TNKS2: variants seen among roughly 807,000 people sequenced by gnomAD.
TNKS2 encodes the protein poly [ADP-ribose] polymerase tankyrase-2.
Under a neutral mutation model 137.6 loss-of-function variants are expected in TNKS2, and 72 were observed. That is an observed-to-expected ratio of 0.52 (90% CI 0.43 to 0.64). The LOEUF is 0.64. Among genes scored for constraint, TNKS2 ranks in the 30% least tolerant of loss-of-function variants. The pLI is 0.00. For missense variants in TNKS2, 1,049 were observed against 1,410.2 expected (o/e 0.74, Z 4.10); for synonymous variants, 516 against 512.1 (o/e 1.01, Z -0.10).
chr10:91,809,685 T>G (rs1844438547), intron 1 of TNKS2, among the ~76,000 whole-genome samples: 1 of 151,904 alleles, frequency 6.6e-6, no homozygotes, highest in African/African-American at 2.4e-5. Flanking sequence ...AAAAAAAATC[T>G]TAGCCCTTAT....
chr10:91,828,608 G>A (rs544018079), intron 9 of TNKS2, among the ~76,000 whole-genome samples: 6 of 151,824 alleles, frequency 4.0e-5, no homozygotes, highest in East Asian at 1.9e-4. Context: ...TTATCAGTTC[G>A]AGAATCCTCA....
At position 91,862,018 on chromosome 10, in the gene TNKS2, G is replaced by A. The variant is rs1341295077; in HGVS notation, c.3301G>A (p.Val1101Ile). 1.2e-6 allele frequency: 2 copies of A among 1,608,518 alleles called. No individual in the cohort carries two copies. The highest frequency in any genetic ancestry group is 1.7e-5 in the Admixed American group (1 of 59,216). ...TTATAGGCAGCTGCTCTTTTGCCGGGTAACCTTGGGAAAGTCTTTCCTGCA... is the reference window on the plus strand; with the variant it reads ...TTATAGGCAGCTGCTCTTTTGCCGGATAACCTTGGGAAAGTCTTTCCTGCA... Reference protein sequence around the residue: ...ICHRQLLFCRVTLGKSFLQFS... With the variant: ...ICHRQLLFCRITLGKSFLQFS... Residue 1101 changes from valine to isoleucine, a missense_variant, in exon 26 of 27, where the codon GTA becomes ATA. By Grantham distance (29) the Val-to-Ile change is conservative. Around this residue, in one of 6 missense-constraint regions of TNKS2, gnomAD observed 133 missense variants for 248.4 expected, o/e 0.54. Transcript: ENST00000371627.
Position 91,840,632 on chromosome 10 carries a change from A to G in TNKS2, c.1599A>G (p.Ala533=). ...GTCAGTCTACACCACTTCATTTTGC[A>G]GCTGGGTATAACAGAGTGTCCGTGG... ...EGRQSTPLHF[A]AGYNRVSVVE... is the part of the protein sequence containing the mutation. Residue 533 remains alanine (A), a synonymous_variant, in exon 14 of 27, where the codon GCA becomes GCG. Coordinates refer to ENST00000371627, the MANE Select transcript of TNKS2 (RefSeq NM_025235.4). 1.2e-6 allele frequency: 2 copies of G among 1,614,126 alleles called. No individual in the cohort carries two copies. The highest frequency in any genetic ancestry group is 2.2e-5 in the South Asian group (2 of 91,078).
Position 91,840,663 on chromosome 10 carries a change from T to A in TNKS2, c.1630T>A (p.Tyr544Asn). Residue 544 changes from tyrosine (Y) to asparagine (N), a missense_variant, in exon 14 of 27, where the codon TAT (tyrosine) becomes AAT (asparagine). Transcript: ENST00000371627. ...GTATAACAGAGTGTCCGTGGTGGAATATCTGCTACAGCATGGAGCTGATGT... is the reference window on the plus strand; with the variant it reads ...GTATAACAGAGTGTCCGTGGTGGAAAATCTGCTACAGCATGGAGCTGATGT... ...AGYNRVSVVE[Y>N]LLQHGADVHA... The A allele has an allele frequency of 1.2e-6, 2 of 1,614,166 alleles. No individual in the cohort carries two copies. The highest frequency in any genetic ancestry group is 1.7e-6 in the Non-Finnish European group (2 of 1,180,010).
intron 16 of TNKS2, among the ~76,000 whole-genome samples, chr10:91,842,600 C>G (rs770805747): frequency 2.6e-5 from 4 of 151,998 alleles, no homozygotes; most frequent in Non-Finnish European, 5.9e-5. Flanking sequence ...ATGGCAAAAC[C>G]ACACCTCTAT....
Position 91,798,445 on chromosome 10 carries a change from T to G in TNKS2, c.-246T>G, listed in dbSNP as rs544831080. 2 of 302,824 alleles carry G rather than the reference T, an allele frequency of 6.6e-6. No individual in the cohort carries two copies. Among genetic ancestry groups the G allele is most frequent in the Non-Finnish European group, 1.2e-5 (2 of 170,462 alleles). 18.8% of individuals were successfully genotyped at this position (302,824 alleles called of 1,614,324 possible). A position where few individuals can be genotyped will look rare whatever the true frequency, so the allele number is the denominator to read the frequency against. ...CTTGCCAGCTTCCGCCGCCGCGTCG[T>G]TTCAGGACCCGGACGGCGGATTCGC... On this transcript the variant is annotated 5_prime_UTR_variant, in exon 1 of 27. Transcript: ENST00000371627.
chr10:91,840,538 G>T, intron 13 of TNKS2, 23 bp from the exon 14 acceptor site: 1 of 1,565,814 alleles, frequency 6.4e-7, no homozygotes, highest in Non-Finnish European at 8.7e-7. Context: ...GTAGTATCAT[G>T]TATGTTGTGT....
intron 6 of TNKS2, among the ~76,000 whole-genome samples, chr10:91,821,795 T>C (rs1478459558): frequency 3.3e-5 from 5 of 152,184 alleles, no homozygotes; most frequent in Non-Finnish European, 2.9e-5. Context: ...GGGAACAGTA[T>C]GTGTAGAGGC....
In TNKS2 at chr10:91,855,127, G is replaced by C. The variant is rs1842665743; in HGVS notation, c.2913+1G>C. On this transcript the variant is annotated splice_donor_variant, in intron 22 of 26. Transcript: ENST00000371627. LOFTEE classifies it high-confidence loss of function. ...AGAGTTTCAGTCTGTGGAGGAAGAGGTATGTTCATATAACTTCAATAGTAG... is the reference window on the plus strand; with the variant it reads ...AGAGTTTCAGTCTGTGGAGGAAGAGCTATGTTCATATAACTTCAATAGTAG... 6.3e-7 allele frequency: 1 copy of C among 1,580,356 alleles called. No individual in the cohort carries two copies. Among genetic ancestry groups the C allele is most frequent in the Non-Finnish European group, 8.7e-7 (1 of 1,150,126 alleles).
intron 13 of TNKS2, among the ~76,000 whole-genome samples, chr10:91,839,207 T>A (rs1239533003): frequency 1.3e-5 from 2 of 152,124 alleles, no homozygotes; most frequent in Non-Finnish European, 2.9e-5. Context: ...CACTCTGATT[T>A]ATTATCTATG....
chr10:91,822,717 C>T (rs569463788), intron 7 of TNKS2, among the ~76,000 whole-genome samples: 23 of 151,854 alleles, frequency 1.5e-4, no homozygotes, highest in African/African-American at 5.6e-4. Context: ...AGACAGGCGC[C>T]ATCACGCCCA....
chr10:91,800,659 A>T (rs1844137252), intron 1 of TNKS2, among the ~76,000 whole-genome samples: 1 of 152,166 alleles, frequency 6.6e-6, no homozygotes, highest in African/African-American at 2.4e-5. Context: ...TATCAGGTAT[A>T]GGTTATCAGA....
chr10:91,865,226 G>A lies in TNKS2; in HGVS notation c.*2227G>A, dbSNP rs1370819229. 2.0e-5 allele frequency: 3 copies of A among 152,172 alleles called. No homozygotes were observed. Among genetic ancestry groups the A allele is most frequent in the African/African-American group, 4.8e-5 (2 of 41,268 alleles). The allele number at this position is 152,172 out of a possible 1,614,324, so 9.4% of individuals were successfully genotyped here. ...CCATCTTCAGTGTCTTACTTGTACTGTATCACATTCCATACCCTCATTTAA... is the reference window on the plus strand; with the variant it reads ...CCATCTTCAGTGTCTTACTTGTACTATATCACATTCCATACCCTCATTTAA... On this transcript the variant is annotated 3_prime_UTR_variant, in exon 27 of 27. Transcript: ENST00000371627.
intron 24 of TNKS2, among the ~76,000 whole-genome samples, chr10:91,859,013 A>C (rs1170449985): frequency 6.6e-6 from 1 of 152,168 alleles, no homozygotes; most frequent in African/African-American, 2.4e-5. Context: ...CATCTCAAAA[A>C]AATTTAAAAA....
intron 14 of TNKS2, 78 bp from the exon 15 acceptor site, chr10:91,841,205 T>C: frequency 2.4e-6 from 3 of 1,230,568 alleles, no homozygotes; most frequent in Middle Eastern, 2.4e-4. Flanking sequence ...TCAAGAATTA[T>C]CTTTCATCAG....
intron 1 of TNKS2, among the ~76,000 whole-genome samples, chr10:91,804,197 T>C (rs1349490815): frequency 1.3e-5 from 2 of 152,176 alleles, no homozygotes; most frequent in Non-Finnish European, 2.9e-5. Flanking sequence ...GATCCTTTCC[T>C]ATTCCAGCAG....
rs200034235 is a variant in TNKS2 at position 91,828,289 on chromosome 10, A to G, written c.987A>G (p.Glu329=). The G allele has an allele frequency of 3.2e-4, 501 of 1,576,104 alleles. No individual in the cohort carries two copies. The highest frequency in any genetic ancestry group is 4.1e-4 in the Non-Finnish European group (473 of 1,164,640). Residue 329 remains glutamate (E), a synonymous_variant, in exon 9 of 27, where the codon GAA becomes GAG. Coordinates refer to ENST00000371627, the MANE Select transcript of TNKS2 (RefSeq NM_025235.4). ...TPQLKERLAY[E]FKGHSLLQAA... is the part of the protein sequence containing the mutation. ...AAATGCTTTTTCTTCATCTAGATGAATTTAAAGGCCACTCGTTGCTGCAAG... is the reference window on the plus strand; with the variant it reads ...AAATGCTTTTTCTTCATCTAGATGAGTTTAAAGGCCACTCGTTGCTGCAAG...
In TNKS2 at chr10:91,863,639, A is replaced by T. The variant is rs946265099; in HGVS notation, c.*640A>T. On this transcript the variant is annotated 3_prime_UTR_variant, in exon 27 of 27. Coordinates refer to ENST00000371627, the MANE Select transcript of TNKS2 (RefSeq NM_025235.4). ...CCGATGGGAGCCTTTATCTGTCATT[A>T]GAAATCTTTCTCATTTAAGAACTTA... is the stretch of plus-strand genomic sequence containing the variant. 5.9e-5 allele frequency: 9 copies of T among 152,306 alleles called. No homozygotes were observed. The highest frequency in any genetic ancestry group is 3.4e-3 in the Middle Eastern group (1 of 294). 9.4% of individuals were successfully genotyped at this position (152,306 alleles called of 1,614,324 possible). A position where few individuals can be genotyped will look rare whatever the true frequency, so the allele number is the denominator to read the frequency against.
chr10:91,827,256 C>T lies in TNKS2; in HGVS notation c.982+53C>T, dbSNP rs73326002. The T allele has an allele frequency of 4.3e-4, 554 of 1,300,268 alleles. 2 individuals are homozygous for T. The African/African-American group carries it at 7.7e-3, about 18-fold the overall frequency. The allele number at this position is 1,300,268 out of a possible 1,614,324, so 80.5% of individuals were successfully genotyped here. A position where few individuals can be genotyped will look rare whatever the true frequency, so the allele number is the denominator to read the frequency against. Reference sequence around the variant, plus strand: ...TAGGATATTATATCAATAAACTGAACATTTTTTCTTTCCTGTTTGTTTTTA... The same window carrying T: ...TAGGATATTATATCAATAAACTGAATATTTTTTCTTTCCTGTTTGTTTTTA... On this transcript the variant is annotated intron_variant, in intron 8 of 26. Coordinates refer to ENST00000371627, the MANE Select transcript of TNKS2 (RefSeq NM_025235.4).
Sources: allele counts gnomAD v4.1 joint callset (sites outside exome capture counted in the v4.1 genomes callset), GRCh38; gene constraint gnomAD v4.1.1; regional missense constraint gnomAD v4.1.1; transcripts MANE v1.5; gene names NCBI Gene and HGNC (gene_info 2026-07-23, HGNC 2026-07-21).